LYN: variants seen among roughly 807,000 people sequenced by gnomAD.
The protein encoded by LYN is LYN proto-oncogene, Src family tyrosine kinase.
Under a neutral mutation model 65.0 loss-of-function variants are expected in LYN, and 12 were observed. The observed-to-expected ratio is 0.18, with a 90% CI of 0.12 to 0.30. The LOEUF (loss-of-function observed/expected upper bound fraction) is 0.30, where lower values mean the gene tolerates loss of function less well. LYN is among the 10% of genes least tolerant of loss of function. The pLI is 1.00. For synonymous variants in LYN, 222 were observed against 221.2 expected (o/e 1.00, Z -0.03); for missense variants, 380 against 623.2 (o/e 0.61, Z 4.16).
intron 1 of LYN, among the ~76,000 whole-genome samples, chr8:55,903,946 C>T (rs149761954): frequency 3.9e-5 from 6 of 151,912 alleles, no homozygotes; most frequent in East Asian, 3.9e-4. Flanking sequence ...GCTTGAGCCT[C>T]GGAGGTTGCA....
At chr8:55,980,662 C>T (rs1332969302) in intron 10 of LYN, 1 of 152,196 alleles carries the variant, frequency 6.6e-6, no homozygotes, top group East Asian at 1.9e-4. Flanking sequence ...CCCAGGCAGC[C>T]CTGCTCCTAA....
At position 56,010,215 on chromosome 8, in the gene LYN, C is replaced by T; in HGVS notation, c.*105C>T. The T allele has an allele frequency of 1.7e-6, 2 of 1,158,814 alleles. No individual in the cohort carries two copies. Among genetic ancestry groups the T allele is most frequent in the Non-Finnish European group, 2.5e-6 (2 of 795,852 alleles). The allele number at this position is 1,158,814 out of a possible 1,614,324, so 71.8% of individuals were successfully genotyped here. On this transcript the variant is annotated 3_prime_UTR_variant, in exon 13 of 13. Transcript: ENST00000519728. ...TGATTTCATGTGCGGGGATCATCTG[C>T]CGTGCCTGGATCCTGAAATAGAGGC...
intron 1 of LYN, among the ~76,000 whole-genome samples, chr8:55,929,746 C>T (rs772561760): frequency 5.7e-4 from 87 of 152,316 alleles, no homozygotes; most frequent in Middle Eastern, 6.8e-3. Flanking sequence ...ACAGAACTGT[C>T]CTCTAGAACA....
At chr8:55,997,043 C>G (rs1405829311) in intron 10 of LYN, among the ~76,000 whole-genome samples, 3 of 151,874 alleles carry the variant, frequency 2.0e-5, no homozygotes. Flanking sequence ...TGCCTGTAAT[C>G]CCAGCTACTC....
chr8:55,888,837 C>T (rs892335210), intron 1 of LYN, among the ~76,000 whole-genome samples: 2 of 151,846 alleles, frequency 1.3e-5, no homozygotes, highest in Non-Finnish European at 1.5e-5. Flanking sequence ...CACGCCTGGC[C>T]GAATCCCTGG....
intron 12 of LYN, among the ~76,000 whole-genome samples, chr8:56,000,160 C>T (rs1051593016): frequency 5.9e-5 from 9 of 152,074 alleles, no homozygotes; most frequent in Admixed American, 3.3e-4. Flanking sequence ...GACACAGGGG[C>T]TCCTCCAAGG....
chr8:55,921,761 T>A (rs1805953394), intron 1 of LYN, among the ~76,000 whole-genome samples: 1 of 152,050 alleles, frequency 6.6e-6, no homozygotes, highest in Admixed American at 6.5e-5. Flanking sequence ...ATATTTCAGG[T>A]TTTGTCCTGT....
At chr8:55,975,243 C>CT (rs1807722074) in intron 10 of LYN, among the ~76,000 whole-genome samples, 1 of 152,184 alleles carries the variant, frequency 6.6e-6, no homozygotes, top group African/African-American at 2.4e-5. Flanking sequence ...GTGGTTAGCT[C>CT]TTTCTCAGAA....
chr8:55,988,658 C>T (rs1291707217), intron 10 of LYN, among the ~76,000 whole-genome samples: 1 of 152,082 alleles, frequency 6.6e-6, no homozygotes, highest in Non-Finnish European at 1.5e-5. Context: ...ACAGGTTTCT[C>T]ATTTAATTTT....
At chr8:55,907,156 A>G (rs1157253010) in intron 1 of LYN, among the ~76,000 whole-genome samples, 1 of 152,214 alleles carries the variant, frequency 6.6e-6, no homozygotes, top group South Asian at 2.1e-4. Context: ...AGCTTTATTC[A>G]TAATATTATG....
chr8:56,002,361 G>C (rs754357226), intron 12 of LYN, among the ~76,000 whole-genome samples: 11 of 152,002 alleles, frequency 7.2e-5, no homozygotes, highest in African/African-American at 2.4e-4. Flanking sequence ...GGAGCTTGCA[G>C]TGAGCTGAGA....
chr8:55,953,212 G>T (rs1807003355), intron 7 of LYN, among the ~76,000 whole-genome samples: 1 of 152,200 alleles, frequency 6.6e-6, no homozygotes, highest in Non-Finnish European at 1.5e-5. Context: ...GAAGCTTAAT[G>T]TGGGATTAGT....
intron 7 of LYN, among the ~76,000 whole-genome samples, chr8:55,953,156 TG>T (rs954411460): frequency 6.6e-6 from 1 of 152,198 alleles, no homozygotes. Context: ...TTCTGGGGCC[TG>T]GGGTCCAGTG....
In LYN at chr8:55,996,333, A is replaced by G. The variant is rs1003894713; in HGVS notation, c.1051-2013A>G. ...CAAGGAGCTAATCTTTTGCTAAGCA[A>G]CGTGGTCTGGAACTGGCGGCCTGAA... On this transcript the variant is annotated intron_variant, in intron 10 of 12. Coordinates refer to ENST00000519728, the MANE Select transcript of LYN (RefSeq NM_002350.4). 6.0e-4 allele frequency among the ~76,000 whole-genome samples: 92 copies of G among 152,198 alleles called. 4 individuals are homozygous for G.
intron 1 of LYN, among the ~76,000 whole-genome samples, chr8:55,891,907 A>G (rs562625601): frequency 6.6e-6 from 1 of 152,296 alleles, no homozygotes; most frequent in African/African-American, 2.4e-5. Context: ...CATTTAATAC[A>G]TGGCCACGTG....
At chr8:55,936,465 C>A (rs950712930) in intron 1 of LYN, among the ~76,000 whole-genome samples, 1 of 152,214 alleles carries the variant, frequency 6.6e-6, no homozygotes, top group Middle Eastern at 3.4e-3. Context: ...TATGGTGAAA[C>A]CCTGTCTCTA....
rs574031886 is a variant in LYN at position 55,923,761 on chromosome 8, A to G, written c.-5-18094A>G. On this transcript the variant is annotated intron_variant, in intron 1 of 12. Transcript: ENST00000519728. The stretch of plus-strand genomic sequence containing the variant: ...CACCATGTTGGCCAGGCTGGTCTCG[A>G]ACTCCTGACCTCAAGTGATTTGCCT... Among the ~76,000 whole-genome samples, 808 of 152,252 alleles carry G rather than the reference A, an allele frequency of 5.3e-3. 7 individuals are homozygous for G. Among genetic ancestry groups the G allele is most frequent in the Non-Finnish European group, 8.3e-3 (562 of 67,988 alleles).
chr8:55,930,312 A>G (rs1806223268), intron 1 of LYN, among the ~76,000 whole-genome samples: 1 of 152,224 alleles, frequency 6.6e-6, no homozygotes, highest in African/African-American at 2.4e-5. Context: ...TTGTAATTTC[A>G]TAATAATTTC....
At chr8:55,972,433 G>A (rs1807635247) in intron 10 of LYN, among the ~76,000 whole-genome samples, 1 of 152,120 alleles carries the variant, frequency 6.6e-6, no homozygotes, top group South Asian at 2.1e-4. Flanking sequence ...TGAGAAAGGG[G>A]TCTTACCCTT....
Sources: gnomAD v4.1 joint callset for allele counts (sites outside exome capture counted in the v4.1 genomes callset) on GRCh38, gnomAD v4.1.1 for gene constraint, MANE v1.5 for transcripts, NCBI Gene and HGNC (gene_info 2026-07-23, HGNC 2026-07-21) for gene names.